Variants in ARHGAP10 observed in about 807,000 individuals in gnomAD.
The protein encoded by ARHGAP10 is rho GTPase-activating protein 10.
In ARHGAP10, 87 loss-of-function variants were observed where a neutral mutation model predicts 108.6. The observed-to-expected ratio is 0.80, with a 90% confidence interval of 0.67 to 0.96. ARHGAP10 has a LOEUF of 0.96. ARHGAP10 is among the 40% of genes least tolerant of loss of function. The pLI, the probability that ARHGAP10 is intolerant of heterozygous loss-of-function variation, is 0.00. For missense variants in ARHGAP10, 939 were observed against 954.5 expected (o/e 0.98, Z 0.21); for synonymous variants, 347 against 341.1 (o/e 1.02, Z -0.19).
intron 1 of ARHGAP10, among the ~76,000 whole-genome samples, chr4:147,821,525 G>A (rs1221401246): frequency 3.3e-5 from 5 of 152,088 alleles, no homozygotes; most frequent in African/African-American, 1.2e-4. Context: ...TTTAAAAATT[G>A]CAAACAGCAC....
intron 1 of ARHGAP10, among the ~76,000 whole-genome samples, chr4:147,776,960 G>A (rs1289260278): frequency 6.6e-6 from 1 of 152,156 alleles, no homozygotes; most frequent in Non-Finnish European, 1.5e-5. Flanking sequence ...CTTCCTGGTG[G>A]CCTGCAGTGA....
chr4:147,920,976 G>T (rs1352226810), intron 13 of ARHGAP10, among the ~76,000 whole-genome samples: 1 of 152,344 alleles, frequency 6.6e-6, no homozygotes, highest in East Asian at 1.9e-4. Flanking sequence ...AAGGAACTGG[G>T]TGAATACTAG....
At chr4:148,017,925 A>G (rs2149659815) in intron 18 of ARHGAP10, among the ~76,000 whole-genome samples, 1 of 151,836 alleles carries the variant, frequency 6.6e-6, no homozygotes, top group Non-Finnish European at 1.5e-5. Flanking sequence ...TTGGGGAGGG[A>G]TTTATATAAA....
chr4:147,866,975 C>G (rs1392642225), intron 7 of ARHGAP10, among the ~76,000 whole-genome samples, 159 bp downstream of exon 7: 2 of 152,156 alleles, frequency 1.3e-5, no homozygotes, highest in East Asian at 3.8e-4. Flanking sequence ...TTGGTGTGAC[C>G]AACTGCTCTA....
At chr4:147,779,612 AT>A (rs1730447828) in intron 1 of ARHGAP10, among the ~76,000 whole-genome samples, 1 of 152,104 alleles carries the variant, frequency 6.6e-6, no homozygotes, top group African/African-American at 2.4e-5. Context: ...GTGACCCAAC[AT>A]TTCCTTCAGT....
At chr4:147,908,472 A>T (rs910046928) in intron 11 of ARHGAP10, among the ~76,000 whole-genome samples, 4 of 152,182 alleles carry the variant, frequency 2.6e-5, no homozygotes, top group Non-Finnish European at 5.9e-5. Context: ...CCAAGTGATT[A>T]GTTCAGAGAT....
intron 10 of ARHGAP10, among the ~76,000 whole-genome samples, chr4:147,904,802 G>T (rs937806439): frequency 1.2e-4 from 19 of 152,242 alleles, no homozygotes; most frequent in Admixed American, 3.9e-4. Context: ...CTGAGGAATC[G>T]CCACACTGAC....
At chr4:148,066,705 A>G (rs568554298) in intron 22 of ARHGAP10, among the ~76,000 whole-genome samples, 16 of 152,328 alleles carry the variant, frequency 1.1e-4, no homozygotes, top group Admixed American at 3.3e-4. Context: ...GGCTCACACC[A>G]TGGCTTTCTT....
At chr4:147,867,467 A>G (rs1314813625) in intron 7 of ARHGAP10, among the ~76,000 whole-genome samples, 2 of 152,188 alleles carry the variant, frequency 1.3e-5, no homozygotes, top group Non-Finnish European at 2.9e-5. Context: ...TTAGGAATGT[A>G]GTGAGATAGC....
Position 147,875,624 on chromosome 4 carries a change from ATTAGTATTT to A in ARHGAP10, c.832+477_832+485del, listed in dbSNP as rs1735026914. On this transcript the variant is annotated intron_variant, in intron 8 of 22. Coordinates refer to ENST00000336498, the MANE Select transcript of ARHGAP10 (RefSeq NM_024605.4). ...GTCATCTTAAGGTCAAGAGGGACAT[ATTAGTATTT>A]TTCTTCTTCCTTCATACCATTTTTG... 5.9e-5 allele frequency among the ~76,000 whole-genome samples: 9 copies of A among 152,238 alleles called. 1 individual carries two copies. Among genetic ancestry groups the A allele is most frequent in the Admixed American group, 5.9e-4 (9 of 15,290 alleles).
In ARHGAP10 at chr4:147,756,961, TGAG is replaced by T. The variant is rs1729399894; in HGVS notation, c.154+24510_154+24512del. On this transcript the variant is annotated intron_variant, in intron 1 of 22. Transcript: ENST00000336498. Reference sequence around the variant, plus strand: ...CTGGTATAATGGAAAAGGCTCACCTTGAGGAGAGGGGCCTTGGTTGGTCTAGGC... The same window carrying T: ...CTGGTATAATGGAAAAGGCTCACCTTGAGAGGGGCCTTGGTTGGTCTAGGC... Among the ~76,000 whole-genome samples the T allele has an allele frequency of 2.0e-5, 3 of 151,750 alleles. No homozygotes were observed. The South Asian group carries it at 6.3e-4, about 32-fold the overall frequency.
chr4:147,751,655 C>T (rs1485738492), intron 1 of ARHGAP10, among the ~76,000 whole-genome samples: 2 of 152,078 alleles, frequency 1.3e-5, no homozygotes, highest in Non-Finnish European at 2.9e-5. Context: ...GTGTGAGCCA[C>T]TGCACCTGGC....
At chr4:147,917,564 T>G (rs1737039298) in intron 13 of ARHGAP10, among the ~76,000 whole-genome samples, 1 of 152,202 alleles carries the variant, frequency 6.6e-6, no homozygotes, top group South Asian at 2.1e-4. Context: ...CTGCCATAAG[T>G]TAGTTTTTTT....
intron 1 of ARHGAP10, among the ~76,000 whole-genome samples, chr4:147,734,139 A>G (rs1578979204): frequency 1.3e-5 from 2 of 152,080 alleles, no homozygotes; most frequent in Admixed American, 1.3e-4. Flanking sequence ...AGTGGCCGGG[A>G]GAATGTACCT....
At chr4:148,064,316 G>T (rs1729759618) in intron 21 of ARHGAP10, 100 bp from the exon 22 acceptor site, 1 of 905,704 alleles carries the variant, frequency 1.1e-6, no homozygotes. Context: ...TTGCCCTACT[G>T]GTGACATCAG....
chr4:148,030,862 GA>G (rs1013970745), intron 19 of ARHGAP10, among the ~76,000 whole-genome samples: 4 of 141,378 alleles, frequency 2.8e-5, no homozygotes, highest in African/African-American at 5.7e-5. Flanking sequence ...TTAGATGAAA[GA>G]AAAAAAAGAA....
At chr4:147,869,932 T>C (rs1326633119) in intron 7 of ARHGAP10, among the ~76,000 whole-genome samples, 2 of 152,090 alleles carry the variant, frequency 1.3e-5, no homozygotes, top group Non-Finnish European at 1.5e-5. Context: ...TGATGTCAGT[T>C]TTTTATTATA....
At chr4:147,774,166 A>T (rs1467185897) in intron 1 of ARHGAP10, among the ~76,000 whole-genome samples, 1 of 152,238 alleles carries the variant, frequency 6.6e-6, no homozygotes, top group Non-Finnish European at 1.5e-5. Flanking sequence ...TTAGCCCTGT[A>T]TAAAAATGTT....
At chr4:147,814,251 A>G (rs1031406093) in intron 1 of ARHGAP10, among the ~76,000 whole-genome samples, 5 of 150,514 alleles carry the variant, frequency 3.3e-5, no homozygotes, top group Admixed American at 3.3e-4. Context: ...CTTGTCTTGG[A>G]TCACAAAAGA....
Sources: allele counts gnomAD v4.1 joint callset (sites outside exome capture counted in the v4.1 genomes callset), GRCh38; gene constraint gnomAD v4.1.1; transcripts MANE v1.5; gene names NCBI Gene and HGNC (gene_info 2026-07-23, HGNC 2026-07-21).